Variants in SORCS1 observed in about 807,000 individuals in gnomAD.
The protein encoded by SORCS1 is VPS10 domain-containing receptor SorCS1.
Under a neutral mutation model 146.1 loss-of-function variants are expected in SORCS1, and 60 were observed. The ratio of observed to expected loss-of-function variants is 0.41; its 90% confidence interval spans 0.33 to 0.51. The LOEUF (loss-of-function observed/expected upper bound fraction) is 0.51, where lower values mean the gene tolerates loss of function less well. Ranked by LOEUF, SORCS1 falls within the 20% of genes least tolerant of loss-of-function variation. The probability of loss-of-function intolerance (pLI) is 0.21; values close to 1 mark genes in which losing one functional copy is unlikely to be tolerated. For synonymous variants in SORCS1, 637 were observed against 584.0 expected, an observed-to-expected ratio of 1.09 and a Z score of -1.31; for missense variants, 1,352 against 1,487.6, an observed-to-expected ratio of 0.91 and a Z score of 1.50.
intron 1 of SORCS1, among the ~76,000 whole-genome samples, chr10:107,058,134 C>T (rs568375563): frequency 2.0e-5 from 3 of 152,134 alleles, no homozygotes; most frequent in Non-Finnish European, 4.4e-5. Flanking sequence ...CTCCACCTCC[C>T]GGGATCACGC....
chr10:106,716,906 C>CTTTT (rs1441840555), intron 6 of SORCS1, among the ~76,000 whole-genome samples: 1 of 152,056 alleles, frequency 6.6e-6, no homozygotes, highest in Non-Finnish European at 1.5e-5. Flanking sequence ...GATGCCGAGG[C>CTTTT]GGGTGGATCA....
intron 2 of SORCS1, among the ~76,000 whole-genome samples, chr10:106,953,054 A>C (rs1291154664): frequency 6.6e-6 from 1 of 152,054 alleles, no homozygotes; most frequent in African/African-American, 2.4e-5. Flanking sequence ...AATATATCAC[A>C]TACCTGAAGT....
intron 19 of SORCS1, among the ~76,000 whole-genome samples, chr10:106,628,664 C>G (rs1021432755): frequency 1.3e-5 from 2 of 152,174 alleles, no homozygotes; most frequent in African/African-American, 4.8e-5. Flanking sequence ...CTCTTTCTCT[C>G]TACACCACCT....
chr10:107,102,155 T>C (rs1256729616), intron 1 of SORCS1, among the ~76,000 whole-genome samples: 1 of 152,202 alleles, frequency 6.6e-6, no homozygotes, highest in African/African-American at 2.4e-5. Flanking sequence ...AAGTGAAGAA[T>C]GAACAAATGC....
At chr10:106,739,783 C>T (rs967674952) in intron 5 of SORCS1, among the ~76,000 whole-genome samples, 2 of 151,804 alleles carry the variant, frequency 1.3e-5, no homozygotes, top group African/African-American at 4.8e-5. Context: ...AACCCCGTCT[C>T]TACTAAAAAA....
In SORCS1 at chr10:106,574,904, C is replaced by A. The variant is rs1338358483; in HGVS notation, c.*2516G>T. On this transcript the variant is annotated 3_prime_UTR_variant, in exon 26 of 26. Transcript: ENST00000263054. ...CAAAATGCCAGGTATCTCATGTCGA[C>A]CTCTATTTTTAATTAGGATTTACAG... is the stretch of plus-strand genomic sequence containing the variant. The A allele has an allele frequency of 6.6e-6, 1 of 152,566 alleles. No homozygotes were observed. The highest frequency in any genetic ancestry group is 1.5e-5 in the Non-Finnish European group (1 of 68,030). 9.5% of individuals were successfully genotyped at this position (152,566 alleles called of 1,614,324 possible).
At chr10:106,726,302 A>G (rs1856176738) in intron 6 of SORCS1, among the ~76,000 whole-genome samples, 1 of 134,736 alleles carries the variant, frequency 7.4e-6, no homozygotes, top group Non-Finnish European at 1.5e-5. Context: ...AACTTTTCAA[A>G]TTAAATCCTT....
chr10:106,852,383 A>G (rs753011149), intron 2 of SORCS1, among the ~76,000 whole-genome samples: 4 of 152,152 alleles, frequency 2.6e-5, no homozygotes, highest in Non-Finnish European at 5.9e-5. Context: ...TAATCCCAGC[A>G]CTTTCGAAGG....
chr10:106,880,987 G>A (rs1302646735), intron 2 of SORCS1, among the ~76,000 whole-genome samples: 1 of 145,854 alleles, frequency 6.9e-6, no homozygotes, highest in Non-Finnish European at 1.5e-5. Context: ...CTACTTGGGA[G>A]AATGGCGTGA....
Position 106,573,875 on chromosome 10 carries a change from A to AT in SORCS1, c.*3544dup, listed in dbSNP as rs1168074345. ...TTAGAATGAACACCAAGGGTTTAGG[A>AT]TTAAAAAAAAAAATACCTGAGGCAA... is the stretch of plus-strand genomic sequence containing the variant. On this transcript the variant is annotated 3_prime_UTR_variant, in exon 26 of 26. Transcript: ENST00000263054. 1 of 152,400 alleles carries AT rather than the reference A, an allele frequency of 6.6e-6. No homozygotes were observed. The highest frequency in any genetic ancestry group is 1.5e-5 in the Non-Finnish European group (1 of 67,982). The allele number at this position is 152,400 out of a possible 1,614,324, so 9.4% of individuals were successfully genotyped here.
intron 1 of SORCS1, among the ~76,000 whole-genome samples, chr10:107,125,099 T>G (rs1291507651): frequency 1.3e-5 from 2 of 151,662 alleles, no homozygotes; most frequent in Non-Finnish European, 2.9e-5. Flanking sequence ...ACTACAGGCA[T>G]GCACCAACAC....
rs77982480 is a variant in SORCS1, at chr10:106,716,674, T to G, written c.1025-7333A>C. 6.6e-3 allele frequency among the ~76,000 whole-genome samples: 1,005 copies of G among 152,308 alleles called. 50 individuals are homozygous for G. The East Asian group carries it at 0.14, about 21-fold the overall frequency. On this transcript the variant is annotated intron_variant, in intron 6 of 25. Coordinates refer to ENST00000263054, the MANE Select transcript of SORCS1 (RefSeq NM_052918.5). ...ACTCAGTCCAAATACTTCCTGGACCTTCTTCTGTGAACTTTTTCCTGGGGC... is the reference window on the plus strand; with the variant it reads ...ACTCAGTCCAAATACTTCCTGGACCGTCTTCTGTGAACTTTTTCCTGGGGC...
intron 1 of SORCS1, among the ~76,000 whole-genome samples, chr10:107,087,568 T>C (rs994184858): frequency 1.3e-5 from 2 of 152,242 alleles, no homozygotes; most frequent in African/African-American, 4.8e-5. Flanking sequence ...TGAATAAGAA[T>C]GTATGTAATA....
chr10:107,153,081 T>C (rs1308524381), intron 1 of SORCS1, among the ~76,000 whole-genome samples: 3 of 152,034 alleles, frequency 2.0e-5, no homozygotes, highest in Non-Finnish European at 4.4e-5. Context: ...TCCCTCTCCC[T>C]CCTTCATTTT....
chr10:106,933,922 C>G (rs1334077078), intron 2 of SORCS1, among the ~76,000 whole-genome samples: 1 of 151,908 alleles, frequency 6.6e-6, no homozygotes, highest in Non-Finnish European at 1.5e-5. Flanking sequence ...GGCGAAACCC[C>G]ATCTCTACTA....
At chr10:106,760,710 A>C (rs371061338) in intron 5 of SORCS1, among the ~76,000 whole-genome samples, 1 of 148,582 alleles carries the variant, frequency 6.7e-6, no homozygotes. Flanking sequence ...CACACACACT[A>C]ACACACACAC....
At chr10:106,937,593 C>A (rs987922890) in intron 2 of SORCS1, among the ~76,000 whole-genome samples, 1 of 152,276 alleles carries the variant, frequency 6.6e-6, no homozygotes, top group African/African-American at 2.4e-5. Flanking sequence ...GCCTCCCCAA[C>A]CATGTGGACT....
intron 1 of SORCS1, among the ~76,000 whole-genome samples, chr10:107,019,709 T>C (rs149531722): frequency 1.8e-4 from 27 of 152,372 alleles, no homozygotes; most frequent in Admixed American, 3.9e-4. Flanking sequence ...GCCAAAGGCA[T>C]GCTCAGATGG....
At chr10:106,752,885 T>G (rs1011950384) in intron 5 of SORCS1, among the ~76,000 whole-genome samples, 2 of 151,916 alleles carry the variant, frequency 1.3e-5, no homozygotes, top group African/African-American at 4.8e-5. Context: ...GACCCAAGAG[T>G]ATTCACACTG....
Sources: gnomAD v4.1 joint callset for allele counts (sites outside exome capture counted in the v4.1 genomes callset) on GRCh38, gnomAD v4.1.1 for gene constraint, MANE v1.5 for transcripts, NCBI Gene and HGNC (gene_info 2026-07-23, HGNC 2026-07-21) for gene names.